E2F5: variants seen among roughly 807,000 people sequenced by gnomAD.
The protein encoded by E2F5 is transcription factor E2F5.
Under a neutral mutation model 39.1 loss-of-function variants are expected in E2F5, and 23 were observed. That is an observed-to-expected ratio of 0.59 (90% confidence interval 0.42 to 0.83). The LOEUF (loss-of-function observed/expected upper bound fraction) is 0.83. Among genes scored for constraint, E2F5 ranks in the 40% least tolerant of loss-of-function variants. E2F5 has a pLI of 0.00. For missense variants in E2F5, 365 were observed against 406.7 expected (o/e 0.90, Z 0.88); for synonymous variants, 145 against 157.8 (o/e 0.92, Z 0.61).
chr8:85,180,749 T>G (rs1812195254), intron 1 of E2F5, among the ~76,000 whole-genome samples: 2 of 150,664 alleles, frequency 1.3e-5, no homozygotes, highest in Non-Finnish European at 3.0e-5. Context: ...GGCTAATTTT[T>G]TTTGTATTTT....
chr8:85,214,050 T>C lies in E2F5; in HGVS notation c.*188T>C, dbSNP rs1007156709. The stretch of plus-strand genomic sequence containing the variant: ...TAAAAACAAAGGGCTCTGATTGCTT[T>C]AGGGGATAAGTGATTTAATATCCAC... On this transcript the variant is annotated 3_prime_UTR_variant, in exon 8 of 8. Transcript: ENST00000416274. 1.9e-4 allele frequency: 111 copies of C among 596,376 alleles called. 1 individual carries two copies. Among genetic ancestry groups the C allele is most frequent in the Non-Finnish European group, 3.6e-5 (12 of 335,814 alleles). The allele number at this position is 596,376 out of a possible 1,614,324, so 36.9% of individuals were successfully genotyped here.
intron 1 of E2F5, among the ~76,000 whole-genome samples, chr8:85,197,180 T>C (rs1028178047): frequency 5.9e-5 from 9 of 152,218 alleles, no homozygotes; most frequent in Admixed American, 2.6e-4. Context: ...TATTGACTTT[T>C]GTGATTTTGG....
intron 5 of E2F5, among the ~76,000 whole-genome samples, chr8:85,208,718 G>T (rs1812850293): frequency 6.6e-6 from 1 of 152,160 alleles, no homozygotes; most frequent in African/African-American, 2.4e-5. Context: ...GAAATTAGTT[G>T]TCTTTGTGCT....
intron 7 of E2F5, 139 bp downstream of exon 7, chr8:85,212,343 A>G (rs1304090597): frequency 7.9e-6 from 5 of 633,996 alleles, no homozygotes; most frequent in Non-Finnish European, 1.3e-5. Context: ...CTCCCTTAAC[A>G]CTTACAGTAA....
chr8:85,197,156 A>T (rs995772309), intron 1 of E2F5, among the ~76,000 whole-genome samples: 2 of 152,194 alleles, frequency 1.3e-5, no homozygotes, highest in Non-Finnish European at 2.9e-5. Flanking sequence ...TAGCTAAACT[A>T]TTGAGTGCAT....
At chr8:85,177,902 A>T in intron 1 of E2F5, 3 of 533,828 alleles carry the variant, frequency 5.6e-6, no homozygotes, top group Non-Finnish European at 7.5e-6. Context: ...TGGGCTCTCG[A>T]CAAAGAGCCC....
At chr8:85,206,790 A>G (rs1216069496) in intron 4 of E2F5, among the ~76,000 whole-genome samples, 1 of 152,162 alleles carries the variant, frequency 6.6e-6, no homozygotes, top group African/African-American at 2.4e-5. Context: ...ATTATAGCAC[A>G]AGTAAAATGA....
Position 85,214,223 on chromosome 8 carries a change from T to C in E2F5, c.*361T>C. On this transcript the variant is annotated 3_prime_UTR_variant, in exon 8 of 8. Transcript: ENST00000416274. Reference sequence around the variant, plus strand: ...GTTGGCCAAGGACTCATTACTTGTCTTATATTTTTACTGCCACTAAACTGC... The same window carrying C: ...GTTGGCCAAGGACTCATTACTTGTCCTATATTTTTACTGCCACTAAACTGC... The C allele has an allele frequency of 1.8e-6, 1 of 542,020 alleles. No homozygotes were observed. 33.6% of individuals were successfully genotyped at this position (542,020 alleles called of 1,614,324 possible). A position where few individuals can be genotyped will look rare whatever the true frequency, so the allele number is the denominator to read the frequency against.
chr8:85,192,548 G>A (rs189320283), intron 1 of E2F5, among the ~76,000 whole-genome samples: 136 of 152,304 alleles, frequency 8.9e-4, no homozygotes, highest in Middle Eastern at 3.4e-3. Flanking sequence ...CAAGACTAGA[G>A]AACGATGAGG....
Position 85,185,724 on chromosome 8 carries a change from A to G in E2F5, c.234+8070A>G, listed in dbSNP as rs1812317448. ...GATATGAACAGACACTTCTCAAAAG[A>G]AGACTTTTATGCAGCCAACAAACAT... is the stretch of plus-strand genomic sequence containing the variant. On this transcript the variant is annotated intron_variant, in intron 1 of 7. Coordinates refer to ENST00000416274, the MANE Select transcript of E2F5 (RefSeq NM_001951.4). Among the ~76,000 whole-genome samples, 3 of 152,362 alleles carry G rather than the reference A, an allele frequency of 2.0e-5. No individual in the cohort carries two copies. In the South Asian group the frequency reaches 6.2e-4, roughly 32 times the overall value.
At chr8:85,202,405 G>A in intron 2 of E2F5, 149 bp downstream of exon 2, 1 of 606,446 alleles carries the variant, frequency 1.6e-6, no homozygotes, top group Non-Finnish European at 2.8e-6. Context: ...GGGCCTCTGT[G>A]TCACTCCTGT....
intron 7 of E2F5, 128 bp downstream of exon 7, chr8:85,212,332 T>C (rs1490489423): frequency 3.2e-5 from 22 of 696,696 alleles, no homozygotes; most frequent in Non-Finnish European, 5.0e-5. Flanking sequence ...TCATGAAAAT[T>C]CTCCCTTAAC....
At chr8:85,186,349 C>T (rs1812332892) in intron 1 of E2F5, among the ~76,000 whole-genome samples, 2 of 151,864 alleles carry the variant, frequency 1.3e-5, no homozygotes, top group Non-Finnish European at 1.5e-5. Context: ...CACAGTGGGG[C>T]CTGTTCAGGG....
chr8:85,211,220 T>TAA (rs5892938), intron 6 of E2F5, among the ~76,000 whole-genome samples: 15 of 112,474 alleles, frequency 1.3e-4, no homozygotes, highest in East Asian at 5.0e-4. Context: ...ACCCTATCTC[T>TAA]AAAAAAAAAA....
rs565286229 is a variant in E2F5, at chr8:85,185,130, AACCAAAACAGCATGGTATTGGT to A, written c.234+7487_234+7508del. ...TCAAACTAAACTACAAGGCTACAGT[AACCAAAACAGCATGGTATTGGT>A]ACCAAAACAGATATATAGACCAATG... On this transcript the variant is annotated intron_variant, in intron 1 of 7. Transcript: ENST00000416274. Among the ~76,000 whole-genome samples, 17 of 152,340 alleles carry A rather than the reference AACCAAAACAGCATGGTATTGGT, an allele frequency of 1.1e-4. No homozygotes were observed. In the South Asian group the frequency reaches 2.1e-3, roughly 19 times the overall value.
At chr8:85,177,893 G>A in intron 1 of E2F5, 1 of 613,902 alleles carries the variant, frequency 1.6e-6, no homozygotes, top group Non-Finnish European at 2.1e-6. Flanking sequence ...GCGCCACGCT[G>A]GGCTCTCGAC....
chr8:85,195,005 T>C (rs1812551389), intron 1 of E2F5, among the ~76,000 whole-genome samples: 1 of 152,158 alleles, frequency 6.6e-6, no homozygotes, highest in African/African-American at 2.4e-5. Flanking sequence ...GCTAAGTAGC[T>C]TGCCCAGGGC....
intron 1 of E2F5, among the ~76,000 whole-genome samples, chr8:85,199,194 G>A (rs1394847311): frequency 4.0e-5 from 6 of 151,466 alleles, no homozygotes; most frequent in Admixed American, 3.3e-4. Context: ...TGCCACACTG[G>A]CCTGCCTGCC....
intron 1 of E2F5, among the ~76,000 whole-genome samples, chr8:85,183,078 CGTTTCTA>C (rs767261493): frequency 3.3e-5 from 5 of 152,052 alleles, no homozygotes; most frequent in Admixed American, 2.0e-4. Context: ...GGTGAAACCC[CGTTTCTA>C]CTAAAAATAC....
Sources: gnomAD v4.1 joint callset for allele counts (sites outside exome capture counted in the v4.1 genomes callset) on GRCh38, gnomAD v4.1.1 for gene constraint, MANE v1.5 for transcripts, NCBI Gene and HGNC (gene_info 2026-07-23, HGNC 2026-07-21) for gene names.